CSRNP3: variants seen among roughly 807,000 people sequenced by gnomAD.
CSRNP3 encodes the protein cysteine/serine-rich nuclear protein 3.
In CSRNP3, 12 loss-of-function variants were observed where a neutral mutation model predicts 48.0. The ratio of observed to expected loss-of-function variants is 0.25; its 90% CI spans 0.16 to 0.41. The LOEUF (loss-of-function observed/expected upper bound fraction) is 0.41. Ranked by LOEUF, CSRNP3 falls within the 10% of genes least tolerant of loss-of-function variation. The pLI is 1.00. For missense variants in CSRNP3, 580 were observed against 724.4 expected (o/e 0.80, Z 2.29); for synonymous variants, 263 against 269.7 (o/e 0.98, Z 0.24).
chr2:165,584,392 A>G (rs1558941207), intron 3 of CSRNP3, among the ~76,000 whole-genome samples: 1 of 152,192 alleles, frequency 6.6e-6, no homozygotes, highest in East Asian at 1.9e-4. Flanking sequence ...CCTTAGGGAA[A>G]GCAGCTGAGG....
chr2:165,634,201 A>C (rs746750674), intron 4 of CSRNP3, among the ~76,000 whole-genome samples: 4 of 152,000 alleles, frequency 2.6e-5, no homozygotes, highest in African/African-American at 9.7e-5. Context: ...TTAGCCAGGC[A>C]TGATGGTGTG....
At chr2:165,554,862 G>T (rs1685141867) in intron 3 of CSRNP3, among the ~76,000 whole-genome samples, 2 of 151,984 alleles carry the variant, frequency 1.3e-5, no homozygotes, top group South Asian at 2.1e-4. Context: ...TCTTACAATT[G>T]CCTGCAAATT....
At chr2:165,625,199 C>G (rs1196847030) in intron 4 of CSRNP3, among the ~76,000 whole-genome samples, 5 of 152,128 alleles carry the variant, frequency 3.3e-5, no homozygotes, top group Non-Finnish European at 5.9e-5. Flanking sequence ...TGAGCACTTC[C>G]TATGTGCCTG....
At chr2:165,644,996 C>T (rs1168228500) in intron 4 of CSRNP3, among the ~76,000 whole-genome samples, 1 of 151,994 alleles carries the variant, frequency 6.6e-6, no homozygotes, top group African/African-American at 2.4e-5. Flanking sequence ...GCTGTGTCCT[C>T]ATATGGTTGA....
chr2:165,482,689 C>G (rs1307427132), intron 1 of CSRNP3, among the ~76,000 whole-genome samples: 1 of 152,144 alleles, frequency 6.6e-6, no homozygotes, highest in Non-Finnish European at 1.5e-5. Context: ...AAACTATCGT[C>G]TACCCATAGA....
intron 4 of CSRNP3, among the ~76,000 whole-genome samples, chr2:165,610,727 C>T (rs750865935): frequency 1.3e-3 from 194 of 152,280 alleles, no homozygotes; most frequent in Non-Finnish European, 2.3e-3. Flanking sequence ...TTCAGAGCTG[C>T]GGAGATGGGA....
intron 5 of CSRNP3, among the ~76,000 whole-genome samples, chr2:165,658,788 C>T (rs1414304607): frequency 5.9e-5 from 9 of 152,188 alleles, no homozygotes; most frequent in African/African-American, 2.2e-4. Flanking sequence ...AGACTTATCA[C>T]TACCATGAGA....
At chr2:165,674,171 A>G (rs1341868776) in intron 5 of CSRNP3, among the ~76,000 whole-genome samples, 1 of 152,218 alleles carries the variant, frequency 6.6e-6, no homozygotes, top group Admixed American at 6.5e-5. Context: ...AAAGGGAATC[A>G]TGCTACCCAA....
rs576728782 is a variant in CSRNP3, at chr2:165,606,537, G to A, written c.148+11324G>A. On this transcript the variant is annotated intron_variant, in intron 4 of 6. Coordinates refer to ENST00000651982, the MANE Select transcript of CSRNP3 (RefSeq NM_001172173.2). Reference sequence around the variant, plus strand: ...TCATCAGATTAGCAAAATTTTAAGGGTTTGAAAATACCATGTATTGACAAG... The same window carrying A: ...TCATCAGATTAGCAAAATTTTAAGGATTTGAAAATACCATGTATTGACAAG... Among the ~76,000 whole-genome samples the A allele has an allele frequency of 2.0e-5, 3 of 152,126 alleles. No homozygotes were observed. In the East Asian group the frequency reaches 5.8e-4, roughly 29 times the overall value.
chr2:165,681,740 T>TATATATATATATATATAC lies in CSRNP3; in HGVS notation c.*2004_*2005insCATATATATATATATATA, dbSNP rs1373267150. Reference sequence around the variant, plus strand: ...TCTCAAATATACATATATATATATATATATATATATATATATATATACACA... The same window carrying TATATATATATATATATAC: ...TCTCAAATATACATATATATATATATATATATATATATATATACATATATATATATATATATATACACA... On this transcript the variant is annotated 3_prime_UTR_variant, in exon 7 of 7. Transcript: ENST00000651982. The TATATATATATATATATAC allele has an allele frequency of 1.4e-3, 123 of 85,770 alleles. 1 individual carries two copies. Among genetic ancestry groups the TATATATATATATATATAC allele is most frequent in the Middle Eastern group, 5.1e-3 (1 of 198 alleles). The allele number at this position is 85,770 out of a possible 1,614,324, so 5.3% of individuals were successfully genotyped here.
At chr2:165,506,262 A>G (rs1038998816) in intron 2 of CSRNP3, among the ~76,000 whole-genome samples, 7 of 152,178 alleles carry the variant, frequency 4.6e-5, no homozygotes, top group African/African-American at 1.2e-4. Flanking sequence ...TTATTTTAAT[A>G]TGTCAAGTAT....
intron 1 of CSRNP3, among the ~76,000 whole-genome samples, chr2:165,492,233 A>T (rs946872877): frequency 1.3e-5 from 2 of 152,076 alleles, no homozygotes; most frequent in Non-Finnish European, 2.9e-5. Flanking sequence ...CTGTTTTCTG[A>T]TGAAATAGCA....
At position 165,686,188 on chromosome 2, in the gene CSRNP3, CTT is replaced by C. The variant is rs1175045058; in HGVS notation, c.*6438_*6439del. 6.6e-6 allele frequency: 1 copy of C among 151,974 alleles called. No individual in the cohort carries two copies. Among genetic ancestry groups the C allele is most frequent in the East Asian group, 1.9e-4 (1 of 5,186 alleles). 9.4% of individuals were successfully genotyped at this position (151,974 alleles called of 1,614,324 possible). On this transcript the variant is annotated 3_prime_UTR_variant, in exon 7 of 7. Coordinates refer to ENST00000651982, the MANE Select transcript of CSRNP3 (RefSeq NM_001172173.2). Reference sequence around the variant, plus strand: ...AAGAAAATTGACCTAGAAAATGTCTCTTTTAAATTTATCTAGGTACTTGTATC... The same window carrying C: ...AAGAAAATTGACCTAGAAAATGTCTCTTAAATTTATCTAGGTACTTGTATC...
chr2:165,657,638 T>G (rs1435705544), intron 4 of CSRNP3, 123 bp from the exon 5 acceptor site: 11 of 1,155,888 alleles, frequency 9.5e-6, no homozygotes, highest in African/African-American at 1.5e-5. Flanking sequence ...ATAACAGTTT[T>G]AGAGTGCCCT....
At chr2:165,514,384 G>T (rs1189393020) in intron 2 of CSRNP3, among the ~76,000 whole-genome samples, 1 of 152,222 alleles carries the variant, frequency 6.6e-6, no homozygotes, top group East Asian at 1.9e-4. Flanking sequence ...TGCCCAGGGG[G>T]GCCTGCAAAG....
chr2:165,614,401 TC>T (rs1452440509), intron 4 of CSRNP3, among the ~76,000 whole-genome samples: 1 of 152,216 alleles, frequency 6.6e-6, no homozygotes, highest in East Asian at 1.9e-4. Context: ...GACTTACTTT[TC>T]CAATTTGGAT....
intron 5 of CSRNP3, among the ~76,000 whole-genome samples, chr2:165,667,676 T>C (rs1464198771): frequency 1.3e-5 from 2 of 152,194 alleles, no homozygotes; most frequent in Admixed American, 6.5e-5. Context: ...CATTTTTGGT[T>C]TGAAGGTTTT....
At chr2:165,647,203 T>G (rs1239827590) in intron 4 of CSRNP3, among the ~76,000 whole-genome samples, 8 of 152,186 alleles carry the variant, frequency 5.3e-5, no homozygotes. Context: ...CTGAAAATAT[T>G]AATGGAGGAA....
chr2:165,623,958 A>G (rs947317636), intron 4 of CSRNP3, among the ~76,000 whole-genome samples: 2 of 152,164 alleles, frequency 1.3e-5, no homozygotes, highest in Non-Finnish European at 2.9e-5. Context: ...TTGTCATAGC[A>G]GCACATGGAG....
Sources: gnomAD v4.1 joint callset for allele counts (sites outside exome capture counted in the v4.1 genomes callset) on GRCh38, gnomAD v4.1.1 for gene constraint, MANE v1.5 for transcripts, NCBI Gene and HGNC (gene_info 2026-07-23, HGNC 2026-07-21) for gene names.